Variants in ZNF521 observed in about 807,000 individuals in gnomAD.
ZNF521 encodes the protein zinc finger protein 521.
ZNF521 carries 14 observed loss-of-function variants against 105.5 expected under a neutral mutation model. The ratio of observed to expected loss-of-function variants is 0.13; its 90% confidence interval spans 0.09 to 0.21. The LOEUF (loss-of-function observed/expected upper bound fraction) is 0.21, where lower values mean the gene tolerates loss of function less well. Ranked by LOEUF, ZNF521 falls within the 10% of genes least tolerant of loss-of-function variation. ZNF521 has a pLI of 1.00. For missense variants in ZNF521, 1,233 were observed against 1,629.7 expected, an observed-to-expected ratio of 0.76 and a Z score of 4.19; for synonymous variants, 635 against 606.0, an observed-to-expected ratio of 1.05 and a Z score of -0.70.
intron 5 of ZNF521, among the ~76,000 whole-genome samples, chr18:25,158,162 T>C (rs1489724655): frequency 6.6e-6 from 1 of 152,152 alleles, no homozygotes; most frequent in African/African-American, 2.4e-5. Flanking sequence ...TCTTTGAAGA[T>C]ATTTAATGAC....
chr18:25,287,551 A>G (rs1001452134), intron 3 of ZNF521, among the ~76,000 whole-genome samples: 1 of 152,124 alleles, frequency 6.6e-6, no homozygotes, highest in Non-Finnish European at 1.5e-5. Flanking sequence ...ATTTTCTGCA[A>G]GACATAAAAA....
intron 5 of ZNF521, among the ~76,000 whole-genome samples, chr18:25,148,835 G>T (rs2034993698): frequency 6.6e-6 from 1 of 152,136 alleles, no homozygotes; most frequent in African/African-American, 2.4e-5. Flanking sequence ...ATGCCTAAAA[G>T]ATACAATTAT....
At chr18:25,148,196 G>C (rs151263086) in intron 5 of ZNF521, among the ~76,000 whole-genome samples, 14 of 152,224 alleles carry the variant, frequency 9.2e-5, no homozygotes, top group African/African-American at 3.4e-4. Context: ...ATGAATCCTG[G>C]GATTAAACAC....
At chr18:25,265,326 C>T (rs1290896402) in intron 3 of ZNF521, among the ~76,000 whole-genome samples, 2 of 152,128 alleles carry the variant, frequency 1.3e-5, no homozygotes, top group Non-Finnish European at 2.9e-5. Context: ...AGATCTTTAC[C>T]TCTCCCATTC....
intron 4 of ZNF521, among the ~76,000 whole-genome samples, chr18:25,209,277 G>A (rs569540492): frequency 1.4e-4 from 22 of 151,804 alleles, no homozygotes; most frequent in East Asian, 7.7e-4. Flanking sequence ...GACTACAGGC[G>A]CGCGCCACCA....
intron 5 of ZNF521, among the ~76,000 whole-genome samples, chr18:25,112,561 C>T (rs779808389): frequency 2.6e-5 from 4 of 152,166 alleles, no homozygotes; most frequent in Non-Finnish European, 5.9e-5. Context: ...ATAATAAACA[C>T]ACTCCCATCC....
chr18:25,082,341 C>T (rs2144173878), intron 7 of ZNF521, among the ~76,000 whole-genome samples: 1 of 152,230 alleles, frequency 6.6e-6, no homozygotes, highest in Admixed American at 6.5e-5. Flanking sequence ...AGGAATGAGG[C>T]CCAGACCATC....
At chr18:25,203,485 T>C (rs969963288) in intron 4 of ZNF521, among the ~76,000 whole-genome samples, 1 of 152,028 alleles carries the variant, frequency 6.6e-6, no homozygotes, top group African/African-American at 2.4e-5. Context: ...GGTGTGGTGG[T>C]TTGTGCCTGT....
chr18:25,084,063 C>T (rs1599988526), intron 7 of ZNF521, among the ~76,000 whole-genome samples: 1 of 147,860 alleles, frequency 6.8e-6, no homozygotes, highest in East Asian at 2.1e-4. Context: ...GGATTACAGG[C>T]ATGAGCCACT....
intron 5 of ZNF521, among the ~76,000 whole-genome samples, chr18:25,122,108 G>A (rs2034454869): frequency 6.6e-6 from 1 of 152,114 alleles, no homozygotes; most frequent in African/African-American, 2.4e-5. Context: ...GTTCAATAGG[G>A]ACATGAAAGA....
At chr18:25,102,689 T>C (rs115479869) in intron 5 of ZNF521, among the ~76,000 whole-genome samples, 9 of 152,076 alleles carry the variant, frequency 5.9e-5, no homozygotes, top group East Asian at 1.9e-4. Context: ...CCTGAGACTA[T>C]AGATATTAAC....
At chr18:25,206,656 C>A (rs919673684) in intron 4 of ZNF521, among the ~76,000 whole-genome samples, 1 of 151,948 alleles carries the variant, frequency 6.6e-6, no homozygotes. Context: ...ATGCATGTCC[C>A]CCTTTCTCTT....
intron 3 of ZNF521, among the ~76,000 whole-genome samples, chr18:25,308,604 T>C (rs1055688785): frequency 5.9e-5 from 9 of 151,422 alleles, no homozygotes; most frequent in Admixed American, 1.3e-4. Flanking sequence ...AGACATCATG[T>C]GCTCCAGGAA....
intron 5 of ZNF521, among the ~76,000 whole-genome samples, chr18:25,132,201 C>T (rs2034653051): frequency 1.3e-5 from 2 of 152,154 alleles, no homozygotes; most frequent in South Asian, 4.1e-4. Flanking sequence ...TCATCACAAA[C>T]TACAAATCTT....
intron 5 of ZNF521, among the ~76,000 whole-genome samples, chr18:25,157,252 G>A (rs1310847751): frequency 6.6e-6 from 1 of 152,028 alleles, no homozygotes; most frequent in Non-Finnish European, 1.5e-5. Context: ...ATAAAAAATT[G>A]AAAATTAAAA....
intron 2 of ZNF521, among the ~76,000 whole-genome samples, chr18:25,333,471 AT>A (rs1380850496): frequency 1.3e-5 from 2 of 151,958 alleles, no homozygotes; most frequent in Non-Finnish European, 2.9e-5. Context: ...TGCTGTTTGT[AT>A]TTTTTTAAAA....
At chr18:25,093,832 ATC>A (rs977912923) in intron 5 of ZNF521, among the ~76,000 whole-genome samples, 3 of 151,926 alleles carry the variant, frequency 2.0e-5, no homozygotes, top group Admixed American at 6.6e-5. Context: ...GGGTTTTTTC[ATC>A]TGTTTCCTTT....
At position 25,279,302 on chromosome 18, in the gene ZNF521, T is replaced by C. The variant is rs112504457; in HGVS notation, c.220+42706A>G. On this transcript the variant is annotated intron_variant, in intron 3 of 7. Coordinates refer to ENST00000361524, the MANE Select transcript of ZNF521 (RefSeq NM_015461.3). Reference sequence around the variant, plus strand: ...CATTCTACAGTAATGATCTAATGCATTTCAACATATGTTAGTATAACTACA... The same window carrying C: ...CATTCTACAGTAATGATCTAATGCACTTCAACATATGTTAGTATAACTACA... 3.2e-3 allele frequency among the ~76,000 whole-genome samples: 484 copies of C among 152,338 alleles called. 5 individuals are homozygous for C. The highest frequency in any genetic ancestry group is 0.011 in the African/African-American group (465 of 41,576).
intron 3 of ZNF521, among the ~76,000 whole-genome samples, chr18:25,276,041 T>C (rs538423121): frequency 2.6e-5 from 4 of 152,250 alleles, no homozygotes; most frequent in Non-Finnish European, 4.4e-5. Context: ...AAGGTAAAAT[T>C]TGAACAGTGA....
Sources: allele counts gnomAD v4.1 joint callset (sites outside exome capture counted in the v4.1 genomes callset), GRCh38; gene constraint gnomAD v4.1.1; transcripts MANE v1.5; gene names NCBI Gene and HGNC (gene_info 2026-07-23, HGNC 2026-07-21).